The following LRFN2 variants were observed in gnomAD, a reference collection of about 807,000 sequenced individuals.
LRFN2 encodes the protein leucine rich repeat and fibronectin type III domain containing 2, also known as leucine-rich repeat and fibronectin type-III domain-containing protein 2.
In LRFN2, 18 loss-of-function variants were observed where a neutral mutation model predicts 37.3. That is an observed-to-expected ratio of 0.48 (90% confidence interval 0.33 to 0.72). The LOEUF (loss-of-function observed/expected upper bound fraction) is 0.72. Ranked by LOEUF, LRFN2 falls within the 30% of genes least tolerant of loss-of-function variation. The probability of loss-of-function intolerance (pLI) is 0.02; values close to 1 mark genes in which losing one functional copy is unlikely to be tolerated. For missense variants in LRFN2, 1,006 were observed against 1,060.7 expected, an observed-to-expected ratio of 0.95 and a Z score of 0.72; for synonymous variants, 556 against 466.6, an observed-to-expected ratio of 1.19 and a Z score of -2.47.
intron 1 of LRFN2, among the ~76,000 whole-genome samples, chr6:40,574,033 G>A (rs186150498): frequency 9.5e-4 from 145 of 152,244 alleles, no homozygotes; most frequent in Middle Eastern, 3.4e-3. Context: ...AGTCTCAGGC[G>A]AATTCGGACA....
At chr6:40,504,168 C>A (rs1263541716) in intron 1 of LRFN2, among the ~76,000 whole-genome samples, 1 of 152,174 alleles carries the variant, frequency 6.6e-6, no homozygotes, top group East Asian at 1.9e-4. Context: ...GTTGTTGCAT[C>A]TTGCCCATAA....
intron 1 of LRFN2, among the ~76,000 whole-genome samples, chr6:40,476,742 C>T (rs569202119): frequency 2.0e-5 from 3 of 152,254 alleles, no homozygotes; most frequent in Non-Finnish European, 4.4e-5. Flanking sequence ...CTCATCGTCA[C>T]TTTACTTGGC....
chr6:40,425,937 A>G (rs1282552985), intron 2 of LRFN2, among the ~76,000 whole-genome samples: 1 of 152,218 alleles, frequency 6.6e-6, no homozygotes, highest in Non-Finnish European at 1.5e-5. Flanking sequence ...TATGTAGACT[A>G]GACCCTGATG....
intron 1 of LRFN2, among the ~76,000 whole-genome samples, chr6:40,434,756 G>GTGCA (rs1763604120): frequency 1.3e-5 from 2 of 151,590 alleles, no homozygotes; most frequent in African/African-American, 4.8e-5. Context: ...GGGATTACAA[G>GTGCA]CGTGAGCCAC....
At chr6:40,573,275 G>A (rs1767218305) in intron 1 of LRFN2, among the ~76,000 whole-genome samples, 1 of 152,184 alleles carries the variant, frequency 6.6e-6, no homozygotes, top group African/African-American at 2.4e-5. Context: ...GGTACAGTTG[G>A]GGGGAATTTG....
intron 1 of LRFN2, among the ~76,000 whole-genome samples, chr6:40,565,704 C>T (rs1430777205): frequency 6.6e-6 from 1 of 151,286 alleles, no homozygotes; most frequent in Non-Finnish European, 1.5e-5. Flanking sequence ...GAAACTGGAT[C>T]CCTTCCTTAC....
intron 1 of LRFN2, among the ~76,000 whole-genome samples, chr6:40,526,894 C>G (rs561863585): frequency 1.3e-5 from 2 of 152,342 alleles, no homozygotes; most frequent in South Asian, 4.1e-4. Flanking sequence ...AAAGCCAGGT[C>G]TGCCTGGCTC....
intron 2 of LRFN2, among the ~76,000 whole-genome samples, chr6:40,420,165 G>C (rs1763188360): frequency 6.6e-6 from 1 of 152,206 alleles, no homozygotes; most frequent in African/African-American, 2.4e-5. Context: ...CTTTTGTAAA[G>C]AGTTAACGAG....
chr6:40,394,692 A>G (rs1216945768), intron 2 of LRFN2, among the ~76,000 whole-genome samples: 1 of 152,094 alleles, frequency 6.6e-6, no homozygotes, highest in Non-Finnish European at 1.5e-5. Flanking sequence ...CTCATCTTGA[A>G]TTGTAGCTCC....
intron 2 of LRFN2, among the ~76,000 whole-genome samples, chr6:40,429,782 C>A (rs1045046113): frequency 1.3e-5 from 2 of 151,998 alleles, no homozygotes; most frequent in African/African-American, 4.8e-5. Flanking sequence ...AATGAGAAAC[C>A]ACCTGAATGT....
chr6:40,514,311 T>G (rs1373252900), intron 1 of LRFN2, among the ~76,000 whole-genome samples: 4 of 152,118 alleles, frequency 2.6e-5, no homozygotes, highest in Non-Finnish European at 5.9e-5. Flanking sequence ...TATGAGTTTT[T>G]TTTGTTTGTT....
intron 2 of LRFN2, among the ~76,000 whole-genome samples, chr6:40,395,654 G>C (rs1336927014): frequency 6.6e-6 from 1 of 152,182 alleles, no homozygotes; most frequent in African/African-American, 2.4e-5. Flanking sequence ...TGGTAACTGT[G>C]CGCCATGCTC....
At chr6:40,462,828 A>G (rs368552689) in intron 1 of LRFN2, among the ~76,000 whole-genome samples, 46 of 152,296 alleles carry the variant, frequency 3.0e-4, no homozygotes, top group East Asian at 2.5e-3. Flanking sequence ...TTACCTTATA[A>G]AGACCAGTTG....
At position 40,392,997 on chromosome 6, in the gene LRFN2, G is replaced by T; in HGVS notation, c.1401-85C>A. Reference sequence around the variant, plus strand: ...GGGAGTGGACAGAGGTAGAAACAGAGTGACAGAGATGGGGAGGGGGAGGGG... The same window carrying T: ...GGGAGTGGACAGAGGTAGAAACAGATTGACAGAGATGGGGAGGGGGAGGGG... On this transcript the variant is annotated intron_variant, in intron 2 of 2. Transcript: ENST00000338305. This position sits in a 1 kb window ranked among gnomAD's most constrained non-coding sequence, Gnocchi z 4.7. The T allele has an allele frequency of 8.3e-7, 1 of 1,204,322 alleles. No individual in the cohort carries two copies. The highest frequency in any genetic ancestry group is 1.1e-6 in the Non-Finnish European group (1 of 882,322). 74.6% of individuals were successfully genotyped at this position (1,204,322 alleles called of 1,614,324 possible).
chr6:40,565,081 A>T (rs572745401), intron 1 of LRFN2, among the ~76,000 whole-genome samples: 1 of 152,278 alleles, frequency 6.6e-6, no homozygotes, highest in Admixed American at 6.5e-5. Flanking sequence ...CTCTAAGAAA[A>T]ATTGGAGGGC....
At chr6:40,491,064 G>A (rs938453786) in intron 1 of LRFN2, among the ~76,000 whole-genome samples, 2 of 152,214 alleles carry the variant, frequency 1.3e-5, no homozygotes, top group African/African-American at 2.4e-5. Context: ...CCATGGCGGT[G>A]GAGATGGCGG....
intron 1 of LRFN2, among the ~76,000 whole-genome samples, chr6:40,512,766 A>G (rs1189028961): frequency 6.6e-6 from 1 of 152,236 alleles, no homozygotes; most frequent in Non-Finnish European, 1.5e-5. Context: ...TGCCAGAGAC[A>G]CACGTCCTTT....
At chr6:40,504,853 A>C (rs1765490024) in intron 1 of LRFN2, among the ~76,000 whole-genome samples, 1 of 152,232 alleles carries the variant, frequency 6.6e-6, no homozygotes, top group Non-Finnish European at 1.5e-5. Flanking sequence ...CCAAAGGCAC[A>C]CTAGGGAGCT....
intron 1 of LRFN2, among the ~76,000 whole-genome samples, chr6:40,496,404 A>T (rs1004632547): frequency 1.3e-5 from 2 of 152,180 alleles, no homozygotes; most frequent in Non-Finnish European, 2.9e-5. Context: ...GGTAAAAGAC[A>T]CAGCCCCCAC....
Sources: gnomAD v4.1 joint callset for allele counts (sites outside exome capture counted in the v4.1 genomes callset) on GRCh38, gnomAD v4.1.1 for gene constraint, Gnocchi (gnomAD v3.1) non-coding constraint, MANE v1.5 for transcripts, NCBI Gene and HGNC (gene_info 2026-07-23, HGNC 2026-07-21) for gene names.